Variants in INPP5B observed in about 807,000 individuals in gnomAD.
The protein encoded by INPP5B is type II inositol 1,4,5-trisphosphate 5-phosphatase.
INPP5B carries 90 observed loss-of-function variants against 118.5 expected under a neutral mutation model. That is an observed-to-expected ratio of 0.76 (90% CI 0.64 to 0.90). The LOEUF (loss-of-function observed/expected upper bound fraction) is 0.90, where lower values mean the gene tolerates loss of function less well. INPP5B is among the 40% of genes least tolerant of loss of function. The probability of loss-of-function intolerance (pLI) is 0.00; values close to 1 mark genes in which losing one functional copy is unlikely to be tolerated. For missense variants in INPP5B, 984 were observed against 1,125.6 expected, an observed-to-expected ratio of 0.87 and a Z score of 1.80; for synonymous variants, 385 against 418.9, an observed-to-expected ratio of 0.92 and a Z score of 0.99.
At chr1:37,887,084 G>A (rs749112772) in intron 11 of INPP5B, 80 bp from the exon 12 acceptor site, 7 of 1,187,668 alleles carry the variant, frequency 5.9e-6, no homozygotes, top group Non-Finnish European at 8.7e-6. Flanking sequence ...CTGGAAGCTG[G>A]CTGAGAGTAT....
rs566408333 is a variant in INPP5B, at chr1:37,930,259, G to GT, written c.532+1653dup. ...TTAAAATAAAAATAAAACCGAAACC[G>GT]TAACAATAATTCCTCACCAGCATAT... On this transcript the variant is annotated intron_variant, in intron 7 of 23. Coordinates refer to ENST00000373024, the MANE Select transcript of INPP5B (RefSeq NM_005540.3). 8.5e-5 allele frequency: 13 copies of GT among 152,268 alleles called. No individual in the cohort carries two copies. The South Asian group carries it at 2.3e-3, about 27-fold the overall frequency. The allele number at this position is 152,268 out of a possible 1,614,324, so 9.4% of individuals were successfully genotyped here. A position where few individuals can be genotyped will look rare whatever the true frequency, so the allele number is the denominator to read the frequency against.
At chr1:37,912,949 T>TAA (rs35906062) in intron 7 of INPP5B, among the ~76,000 whole-genome samples, 5 of 143,522 alleles carry the variant, frequency 3.5e-5, no homozygotes, top group Non-Finnish European at 3.0e-5. Context: ...TACTCACTGC[T>TAA]AAAAAAAAAA....
At chr1:37,911,351 C>A (rs1221741735) in intron 7 of INPP5B, among the ~76,000 whole-genome samples, 1 of 152,176 alleles carries the variant, frequency 6.6e-6, no homozygotes, top group Non-Finnish European at 1.5e-5. Flanking sequence ...TTCAATCCGG[C>A]CTCCCACATT....
intron 7 of INPP5B, among the ~76,000 whole-genome samples, chr1:37,916,751 A>C (rs1257335729): frequency 2.0e-5 from 3 of 152,294 alleles, no homozygotes; most frequent in East Asian, 3.9e-4. Flanking sequence ...CATCATACAA[A>C]GAAAAAATAA....
chr1:37,897,081 G>C (rs1177710567), intron 7 of INPP5B, among the ~76,000 whole-genome samples: 6 of 149,800 alleles, frequency 4.0e-5, no homozygotes, highest in Non-Finnish European at 7.4e-5. Context: ...CCCTCTGCCC[G>C]GCCAGCCGCC....
At position 37,943,921 on chromosome 1, in the gene INPP5B, G is replaced by A. The variant is rs144900816; in HGVS notation, c.153-28C>T. 8.5e-4 allele frequency: 1,311 copies of A among 1,543,348 alleles called. 12 individuals are homozygous for A. The South Asian group carries it at 9.5e-3, about 11-fold the overall frequency. On this transcript the variant is annotated intron_variant, in intron 3 of 23. Transcript: ENST00000373024. ...AAGGGCAGGAAGCAGAGGTGAGGAT[G>A]GGGGCCCGCTGGCTGTCCCTCAGCC...
chr1:37,880,257 G>A, intron 14 of INPP5B, 63 bp from the exon 15 acceptor site: 1 of 1,209,382 alleles, frequency 8.3e-7, no homozygotes, highest in African/African-American at 1.5e-5. Context: ...TGAATTAGTG[G>A]AGAAAAGCAT....
chr1:37,908,862 A>G (rs1226213426), intron 7 of INPP5B, among the ~76,000 whole-genome samples: 1 of 151,922 alleles, frequency 6.6e-6, no homozygotes, highest in Non-Finnish European at 1.5e-5. Flanking sequence ...CCACTTCTCC[A>G]TGTCTCTACC....
chr1:37,886,709 A>G (rs1287749894), intron 12 of INPP5B, among the ~76,000 whole-genome samples, 179 bp downstream of exon 12: 2 of 152,222 alleles, frequency 1.3e-5, no homozygotes, highest in Admixed American at 6.5e-5. Context: ...ATCAGCAGGT[A>G]GTTCACTAAA....
chr1:37,922,331 G>A (rs1223141765), intron 7 of INPP5B, among the ~76,000 whole-genome samples: 1 of 151,050 alleles, frequency 6.6e-6, no homozygotes, highest in Non-Finnish European at 1.5e-5. Context: ...GGATGTTAAG[G>A]TGAGTCGAGA....
chr1:37,866,554 G>A lies in INPP5B; in HGVS notation c.2302-11C>T, dbSNP rs983729696. 31 of 1,517,680 alleles carry A rather than the reference G, an allele frequency of 2.0e-5. No homozygotes were observed. Among genetic ancestry groups the A allele is most frequent in the Non-Finnish European group, 2.7e-5 (30 of 1,092,204 alleles). 94.0% of individuals were successfully genotyped at this position (1,517,680 alleles called of 1,614,324 possible). ...CTGAAACAGATCTTCCTGCAAAAGG[G>A]AAGACAGTAACAAAATAATTATTTT... On this transcript the variant is annotated splice_polypyrimidine_tract_variant and intron_variant, in intron 20 of 23. Coordinates refer to ENST00000373024, the MANE Select transcript of INPP5B (RefSeq NM_005540.3).
rs1641647806 is a variant in INPP5B at position 37,860,757 on chromosome 1, T to G, written c.*1558A>C. The G allele has an allele frequency of 6.6e-6, 1 of 152,256 alleles. No individual in the cohort carries two copies. The highest frequency in any genetic ancestry group is 2.1e-4 in the South Asian group (1 of 4,834). 9.4% of individuals were successfully genotyped at this position (152,256 alleles called of 1,614,324 possible). ...ACACATGGAGACAGGATGCATCATA[T>G]ACAGTTTGGAAGACTTGCTGGCCCA... On this transcript the variant is annotated 3_prime_UTR_variant, in exon 24 of 24. Coordinates refer to ENST00000373024, the MANE Select transcript of INPP5B (RefSeq NM_005540.3).
At chr1:37,896,482 C>T (rs1182500226) in intron 7 of INPP5B, among the ~76,000 whole-genome samples, 1 of 148,722 alleles carries the variant, frequency 6.7e-6, no homozygotes, top group African/African-American at 2.5e-5. Context: ...GGGGGATCAG[C>T]CCCCCGCCCG....
At chr1:37,944,585 T>G (rs912163607) in intron 3 of INPP5B, among the ~76,000 whole-genome samples, 3 of 132,630 alleles carry the variant, frequency 2.3e-5, no homozygotes, top group Non-Finnish European at 3.3e-5. Context: ...ATGGTGTTCG[T>G]TTTTTTTTTC....
In INPP5B at chr1:37,883,093, A is replaced by T. The variant is rs79609816; in HGVS notation, c.1320-175T>A. ...CCATCCCATTTAATAATCTAATGTG[A>T]TGCTTGCTCAATTATCTTGGTCCAA... On this transcript the variant is annotated intron_variant, in intron 13 of 23. Coordinates refer to ENST00000373024, the MANE Select transcript of INPP5B (RefSeq NM_005540.3). The T allele has an allele frequency of 4.4e-4, 431 of 985,390 alleles. 13 individuals are homozygous for T. The East Asian group carries it at 0.035, about 80-fold the overall frequency. 61.0% of individuals were successfully genotyped at this position (985,390 alleles called of 1,614,324 possible).
In INPP5B at chr1:37,896,741, C is replaced by G. The variant is rs542249232; in HGVS notation, c.533-5287G>C. On this transcript the variant is annotated intron_variant, in intron 7 of 23. Transcript: ENST00000373024. ...GAGGGAGGTGGGGGAGTCAGCCCCCCGCCCGGCCAGCCGCCCCGTCCCGGA... is the reference window on the plus strand; with the variant it reads ...GAGGGAGGTGGGGGAGTCAGCCCCCGGCCCGGCCAGCCGCCCCGTCCCGGA... Among the ~76,000 whole-genome samples, 22 of 133,994 alleles carry G rather than the reference C, an allele frequency of 1.6e-4. 1 individual carries two copies. Among genetic ancestry groups the G allele is most frequent in the African/African-American group, 5.2e-4 (19 of 36,508 alleles). The allele number at this position is 133,994 out of a possible 152,430, so 87.9% of individuals were successfully genotyped here. A position where few individuals can be genotyped will look rare whatever the true frequency, so the allele number is the denominator to read the frequency against.
rs764827459 is a variant in INPP5B, at chr1:37,946,334, CCT to C, written c.-26-2_-26-1del. ...GCTGGCCCCTGCTGAGCGCACACAC[CCT>C]GTGGGAGGGGAGATAGGAGCCCCGC... is the stretch of plus-strand genomic sequence containing the variant. On this transcript the variant is annotated splice_acceptor_variant, in intron 1 of 23. Coordinates refer to ENST00000373024, the MANE Select transcript of INPP5B (RefSeq NM_005540.3). LOFTEE classifies it low-confidence loss of function (5UTR_SPLICE). 1.9e-6 allele frequency: 3 copies of C among 1,606,134 alleles called. No homozygotes were observed. Among genetic ancestry groups the C allele is most frequent in the Non-Finnish European group, 2.6e-6 (3 of 1,176,236 alleles).
Position 37,917,308 on chromosome 1 carries a change from T to TTATATATATATATA in INPP5B, c.532+14591_532+14604dup, listed in dbSNP as rs368327131. Among the ~76,000 whole-genome samples, 245 of 92,762 alleles carry TTATATATATATATA rather than the reference T, an allele frequency of 2.6e-3. 2 individuals are homozygous for TTATATATATATATA. Among genetic ancestry groups the TTATATATATATATA allele is most frequent in the Middle Eastern group, 6.3e-3 (1 of 160 alleles). 60.9% of individuals were successfully genotyped at this position (92,762 alleles called of 152,430 possible). A position where few individuals can be genotyped will look rare whatever the true frequency, so the allele number is the denominator to read the frequency against. ...CGTCTCGGGGGAAAAAAAAAAATAA[T>TTATATATATATATA]TATATATATATATATATATATATAT... On this transcript the variant is annotated intron_variant, in intron 7 of 23. Coordinates refer to ENST00000373024, the MANE Select transcript of INPP5B (RefSeq NM_005540.3).
At chr1:37,909,415 G>A (rs920351707) in intron 7 of INPP5B, among the ~76,000 whole-genome samples, 3 of 151,720 alleles carry the variant, frequency 2.0e-5, no homozygotes, top group Non-Finnish European at 4.4e-5. Flanking sequence ...CCTCACACCC[G>A]GTCTGGCTTA....
Sources: allele counts gnomAD v4.1 joint callset (sites outside exome capture counted in the v4.1 genomes callset), GRCh38; gene constraint gnomAD v4.1.1; transcripts MANE v1.5; gene names NCBI Gene and HGNC (gene_info 2026-07-23, HGNC 2026-07-21).